The following WWOX variants were observed in gnomAD, a reference collection of about 807,000 sequenced individuals.
WWOX encodes WW domain-containing oxidoreductase.
In WWOX, 69 loss-of-function variants were observed where a neutral mutation model predicts 46.2. The ratio of observed to expected loss-of-function variants is 1.49; its 90% CI spans 1.23 to 1.82. The LOEUF (loss-of-function observed/expected upper bound fraction) is 1.82. Among genes scored for constraint, WWOX ranks in the 40% most tolerant of loss-of-function variants. WWOX has a pLI of 0.00. For missense variants in WWOX, 919 were observed against 542.6 expected, an observed-to-expected ratio of 1.69 and a Z score of -6.89; for synonymous variants, 359 against 202.6, an observed-to-expected ratio of 1.77 and a Z score of -6.56.
Position 78,259,319 on chromosome 16 carries a change from T to C in WWOX, c.516+95030T>C, listed in dbSNP as rs549639904. Among the ~76,000 whole-genome samples, 4 of 152,298 alleles carry C rather than the reference T, an allele frequency of 2.6e-5. No individual in the cohort carries two copies. The East Asian group carries it at 5.8e-4, about 22-fold the overall frequency. On this transcript the variant is annotated intron_variant, in intron 5 of 8. Transcript: ENST00000566780. The stretch of plus-strand genomic sequence containing the variant: ...AATTTAGAAGAGAGACTGTATTCCA[T>C]TTTATTTTTATTTATATTTATTTTT...
At chr16:78,328,035 C>T (rs907305172) in intron 5 of WWOX, among the ~76,000 whole-genome samples, 5 of 152,042 alleles carry the variant, frequency 3.3e-5, no homozygotes, top group Non-Finnish European at 7.4e-5. Context: ...ACCACCTTGC[C>T]TGGCTAATTT....
chr16:79,182,908 G>C (rs752419961), intron 8 of WWOX, among the ~76,000 whole-genome samples: 4 of 152,206 alleles, frequency 2.6e-5, no homozygotes, highest in Non-Finnish European at 5.9e-5. Context: ...CTTCTGGGCT[G>C]ATGAGCATCC....
At chr16:78,412,635 G>A (rs1356078477) in intron 6 of WWOX, among the ~76,000 whole-genome samples, 1 of 152,190 alleles carries the variant, frequency 6.6e-6, no homozygotes, top group African/African-American at 2.4e-5. Flanking sequence ...AGGAAAGTGA[G>A]CCAGAAGTGA....
chr16:78,271,451 A>T (rs921301577), intron 5 of WWOX, among the ~76,000 whole-genome samples: 1 of 152,222 alleles, frequency 6.6e-6, no homozygotes, highest in Non-Finnish European at 1.5e-5. Context: ...CTGTTTCAGC[A>T]TTGGAATATC....
At chr16:78,665,779 G>A (rs1026552187) in intron 8 of WWOX, among the ~76,000 whole-genome samples, 3 of 152,224 alleles carry the variant, frequency 2.0e-5, no homozygotes, top group East Asian at 3.9e-4. Flanking sequence ...CCACCTCCTG[G>A]GTTCGAGTGA....
At chr16:78,127,202 A>G (rs1422730789) in intron 4 of WWOX, among the ~76,000 whole-genome samples, 1 of 152,184 alleles carries the variant, frequency 6.6e-6, no homozygotes, top group African/African-American at 2.4e-5. Flanking sequence ...CCTACTTTGC[A>G]AAGTTGTTAA....
intron 8 of WWOX, among the ~76,000 whole-genome samples, chr16:78,734,021 CT>C (rs897701124): frequency 2.0e-4 from 30 of 151,860 alleles, no homozygotes; most frequent in Admixed American, 4.6e-4. Flanking sequence ...GATCATGCCA[CT>C]GCACTGTAGC....
intron 8 of WWOX, among the ~76,000 whole-genome samples, chr16:78,630,883 TC>T (rs1277730356): frequency 7.2e-6 from 1 of 138,028 alleles, no homozygotes; most frequent in Non-Finnish European, 1.7e-5. Flanking sequence ...TCAGCCCCCC[TC>T]TCTCTGGGTT....
At chr16:78,837,712 G>C (rs1391490697) in intron 8 of WWOX, among the ~76,000 whole-genome samples, 1 of 152,138 alleles carries the variant, frequency 6.6e-6, no homozygotes, top group Non-Finnish European at 1.5e-5. Flanking sequence ...AGAAATCCAA[G>C]TGAATTTCTA....
intron 7 of WWOX, among the ~76,000 whole-genome samples, chr16:78,431,124 A>G (rs981285678): frequency 5.3e-5 from 8 of 152,158 alleles, no homozygotes; most frequent in African/African-American, 1.9e-4. Flanking sequence ...AAGTCACTAT[A>G]ATGTTGTTAT....
At chr16:78,912,914 G>T (rs983036439) in intron 8 of WWOX, among the ~76,000 whole-genome samples, 3 of 151,984 alleles carry the variant, frequency 2.0e-5, no homozygotes, top group Admixed American at 2.0e-4. Flanking sequence ...ATTAGCAAGA[G>T]ATCAGAGCAA....
chr16:78,749,442 A>T (rs1054960406), intron 8 of WWOX, among the ~76,000 whole-genome samples: 1 of 152,228 alleles, frequency 6.6e-6, no homozygotes, highest in African/African-American at 2.4e-5. Context: ...GAGAGACCCA[A>T]AATAGTCAAA....
At chr16:79,032,337 T>A (rs998580209) in intron 8 of WWOX, among the ~76,000 whole-genome samples, 1 of 146,534 alleles carries the variant, frequency 6.8e-6, no homozygotes, top group East Asian at 1.9e-4. Flanking sequence ...TATATTATAA[T>A]GTATGTAATA....
At position 78,656,087 on chromosome 16, in the gene WWOX, G is replaced by T. The variant is rs2047074127; in HGVS notation, c.1056+223335G>T. Among the ~76,000 whole-genome samples the T allele has an allele frequency of 1.3e-5, 2 of 152,196 alleles. 1 individual carries two copies. The highest frequency in any genetic ancestry group is 4.8e-5 in the African/African-American group (2 of 41,446). Reference sequence around the variant, plus strand: ...TCTTCTCTCTTTCTGATTTGCTTCAGTACAGTATGGGATGGGGAAGAATCA... The same window carrying T: ...TCTTCTCTCTTTCTGATTTGCTTCATTACAGTATGGGATGGGGAAGAATCA... On this transcript the variant is annotated intron_variant, in intron 8 of 8. Transcript: ENST00000566780.
At chr16:79,166,915 C>T (rs776077601) in intron 8 of WWOX, among the ~76,000 whole-genome samples, 1 of 152,002 alleles carries the variant, frequency 6.6e-6, no homozygotes, top group South Asian at 2.1e-4. Context: ...ATACAACACT[C>T]GGTAAATTTC....
chr16:78,368,056 T>C (rs1567529310), intron 5 of WWOX, among the ~76,000 whole-genome samples: 1 of 152,150 alleles, frequency 6.6e-6, no homozygotes, highest in Non-Finnish European at 1.5e-5. Flanking sequence ...TGTGCCCGGC[T>C]TCTGCCAGCT....
At chr16:78,185,286 G>A (rs1732007100) in intron 5 of WWOX, among the ~76,000 whole-genome samples, 1 of 152,122 alleles carries the variant, frequency 6.6e-6, no homozygotes, top group Admixed American at 6.6e-5. Flanking sequence ...TATTTTTAAT[G>A]CAACATGGAA....
intron 8 of WWOX, chr16:78,552,630 C>G (rs1447739128): frequency 1.3e-5 from 2 of 152,216 alleles, no homozygotes; most frequent in Non-Finnish European, 2.9e-5. Flanking sequence ...GCGTGTCTTT[C>G]TCATGCATAT....
intron 8 of WWOX, among the ~76,000 whole-genome samples, chr16:79,057,350 A>C (rs1443059345): frequency 6.6e-6 from 1 of 152,200 alleles, no homozygotes; most frequent in Non-Finnish European, 1.5e-5. Flanking sequence ...ATTGCCCCCA[A>C]ATTATCGAAG....
Sources: allele counts gnomAD v4.1 joint callset (sites outside exome capture counted in the v4.1 genomes callset), GRCh38; gene constraint gnomAD v4.1.1; transcripts MANE v1.5; gene names NCBI Gene and HGNC (gene_info 2026-07-23, HGNC 2026-07-21).